Variants in PPP1R12A observed in about 807,000 individuals in gnomAD.
The protein encoded by PPP1R12A is protein phosphatase 1 regulatory subunit 12A, also known as myosin binding subunit.
Under a neutral mutation model 139.6 loss-of-function variants are expected in PPP1R12A, and 19 were observed. That is an observed-to-expected ratio of 0.14 (90% CI 0.09 to 0.20). PPP1R12A has a LOEUF of 0.20. PPP1R12A is among the 10% of genes least tolerant of loss of function. PPP1R12A has a pLI of 1.00. For synonymous variants in PPP1R12A, 427 were observed against 420.6 expected (o/e 1.02, Z -0.19); for missense variants, 925 against 1,211.5 (o/e 0.76, Z 3.51).
At chr12:79,809,729 G>T in intron 10 of PPP1R12A, 66 bp downstream of exon 10, 1 of 1,293,014 alleles carries the variant, frequency 7.7e-7, no homozygotes, top group Non-Finnish European at 1.1e-6. Context: ...AAATCTACCA[G>T]ATTTGATGTT....
intron 1 of PPP1R12A, among the ~76,000 whole-genome samples, chr12:79,902,133 T>A (rs1885702522): frequency 6.6e-6 from 1 of 152,184 alleles, no homozygotes; most frequent in Admixed American, 6.5e-5. Context: ...TTGGTTCAAC[T>A]TAAAGAGTGT....
intron 20 of PPP1R12A, among the ~76,000 whole-genome samples, chr12:79,789,954 A>AT (rs1302331162): frequency 0.014 from 1,972 of 144,002 alleles, 34 homozygotes; most frequent in African/African-American, 0.04. Context: ...TAATTAAGAA[A>AT]TTTTTTTTTT....
At chr12:79,805,503 A>G (rs971902337) in intron 14 of PPP1R12A, 89 bp downstream of exon 14, 36 of 1,285,846 alleles carry the variant, frequency 2.8e-5, no homozygotes, top group Non-Finnish European at 3.5e-5. Context: ...AGAGATGGCC[A>G]TCAACCTCAC....
At chr12:79,854,999 ATTATT>A (rs1173230871) in intron 2 of PPP1R12A, among the ~76,000 whole-genome samples, 1 of 151,782 alleles carries the variant, frequency 6.6e-6, no homozygotes, top group African/African-American at 2.4e-5. Flanking sequence ...TATTATTATT[ATTATT>A]TTGAGATGGA....
chr12:79,912,871 T>G (rs1427775536), intron 1 of PPP1R12A, among the ~76,000 whole-genome samples: 3 of 152,148 alleles, frequency 2.0e-5, no homozygotes, highest in Non-Finnish European at 2.9e-5. Flanking sequence ...ATCCATAGAG[T>G]ACGTTTCCAT....
At position 79,782,381 on chromosome 12, in the gene PPP1R12A, A is replaced by G. The variant is rs181648271; in HGVS notation, c.2908-519T>C. ...CTCTAGGTTTCTTTTCCAATCATCCATGCTCCACAATTGGTTCACATCCAC... is the reference window on the plus strand; with the variant it reads ...CTCTAGGTTTCTTTTCCAATCATCCGTGCTCCACAATTGGTTCACATCCAC... On this transcript the variant is annotated intron_variant, in intron 22 of 24. Coordinates refer to ENST00000450142, the MANE Select transcript of PPP1R12A (RefSeq NM_002480.3). The G allele has an allele frequency of 1.7e-3, 448 of 258,192 alleles. 1 individual carries two copies. The highest frequency in any genetic ancestry group is 3.0e-3 in the Non-Finnish European group (391 of 128,260). The allele number at this position is 258,192 out of a possible 1,614,324, so 16.0% of individuals were successfully genotyped here.
rs1203738684 is a variant in PPP1R12A at position 79,805,856 on chromosome 12, C to CT, written c.1824-89dup. 1.3e-5 allele frequency: 18 copies of CT among 1,341,192 alleles called. No individual in the cohort carries two copies. In the African/African-American group the frequency reaches 1.5e-4, roughly 11 times the overall value. The allele number at this position is 1,341,192 out of a possible 1,614,324, so 83.1% of individuals were successfully genotyped here. On this transcript the variant is annotated intron_variant, in intron 13 of 24. Transcript: ENST00000450142. ...CTTTCTAGCAGCTGAAAACACATGA[C>CT]TACAGGGATGGATTTTTTTAAAACG... is the stretch of plus-strand genomic sequence containing the variant.
chr12:79,866,602 C>T (rs1384039738), intron 2 of PPP1R12A, among the ~76,000 whole-genome samples: 1 of 152,060 alleles, frequency 6.6e-6, no homozygotes, highest in Non-Finnish European at 1.5e-5. Flanking sequence ...CCAGAATCTA[C>T]AAAGAACTTA....
intron 2 of PPP1R12A, among the ~76,000 whole-genome samples, chr12:79,853,145 G>A (rs1291406189): frequency 1.3e-5 from 2 of 152,178 alleles, no homozygotes; most frequent in African/African-American, 2.4e-5. Flanking sequence ...GCAGCTATGA[G>A]TGTGACCAAT....
At chr12:79,854,206 A>G (rs1880365350) in intron 2 of PPP1R12A, among the ~76,000 whole-genome samples, 1 of 152,124 alleles carries the variant, frequency 6.6e-6, no homozygotes, top group Admixed American at 6.6e-5. Flanking sequence ...AGAGAATGAT[A>G]CTGTGTGTGT....
intron 1 of PPP1R12A, among the ~76,000 whole-genome samples, chr12:79,882,866 C>T (rs1366907162): frequency 1.3e-5 from 2 of 152,056 alleles, no homozygotes; most frequent in African/African-American, 2.4e-5. Context: ...AGGCCAGGCG[C>T]GGTGGCTCAT....
chr12:79,903,687 T>C (rs1203880299), intron 1 of PPP1R12A, among the ~76,000 whole-genome samples: 1 of 152,210 alleles, frequency 6.6e-6, no homozygotes, highest in Non-Finnish European at 1.5e-5. Context: ...CTTGATACTG[T>C]GTCCATGTCT....
chr12:79,854,254 A>C (rs1565779561), intron 2 of PPP1R12A, among the ~76,000 whole-genome samples: 1 of 152,180 alleles, frequency 6.6e-6, no homozygotes, highest in Non-Finnish European at 1.5e-5. Context: ...GGATAAAAAC[A>C]AATACTGCAC....
At chr12:79,881,696 T>C (rs892905553) in intron 1 of PPP1R12A, among the ~76,000 whole-genome samples, 3 of 152,232 alleles carry the variant, frequency 2.0e-5, no homozygotes, top group Admixed American at 6.5e-5. Flanking sequence ...CGTTTCACTG[T>C]AGACACGGCA....
chr12:79,902,882 A>G lies in PPP1R12A; in HGVS notation c.238-29944T>C, dbSNP rs148318403. 5.1e-3 allele frequency among the ~76,000 whole-genome samples: 771 copies of G among 152,286 alleles called. 4 individuals carry two copies. Among genetic ancestry groups the G allele is most frequent in the African/African-American group, 0.018 (731 of 41,548 alleles). On this transcript the variant is annotated intron_variant, in intron 1 of 24. Transcript: ENST00000450142. Reference sequence around the variant, plus strand: ...AAGTTAAAATGTAGGTACACAACATATAATTTATACAGGATCCTCCTCTCT... The same window carrying G: ...AAGTTAAAATGTAGGTACACAACATGTAATTTATACAGGATCCTCCTCTCT...
chr12:79,822,132 T>A lies in PPP1R12A; in HGVS notation c.851A>T (p.Gln284Leu). 1 of 1,577,234 alleles carries A rather than the reference T, an allele frequency of 6.3e-7. No homozygotes were observed. The highest frequency in any genetic ancestry group is 8.6e-7 in the Non-Finnish European group (1 of 1,157,304). Residue 284 changes from glutamine (Q) to leucine (L), a missense_variant, in exon 6 of 25, where the codon CAA becomes CTA. Transcript: ENST00000450142. The stretch of plus-strand genomic sequence containing the variant: ...CAAACATACCAGATTTTGTTTCTTT[T>A]GCAACTCTTCTAAATATCCTAAAAT... The part of the protein sequence containing the change: ...EDILGYLEEL[Q>L]KKQNLLHSEK...
intron 22 of PPP1R12A, among the ~76,000 whole-genome samples, chr12:79,785,534 T>C (rs902615012): frequency 1.3e-5 from 2 of 152,110 alleles, no homozygotes; most frequent in Non-Finnish European, 1.5e-5. Flanking sequence ...GATCTGGATA[T>C]GCTGTTTTTA....
intron 23 of PPP1R12A, chr12:79,779,267 A>T: frequency 8.0e-7 from 1 of 1,245,394 alleles, no homozygotes. Context: ...CTGGGGTGTT[A>T]TGCAAAAAGC....
At chr12:79,859,652 C>A (rs1881092370) in intron 2 of PPP1R12A, among the ~76,000 whole-genome samples, 1 of 152,110 alleles carries the variant, frequency 6.6e-6, no homozygotes, top group Non-Finnish European at 1.5e-5. Flanking sequence ...TTCCTATAAT[C>A]CCAACACTTA....
Sources: gnomAD v4.1 joint callset for allele counts (sites outside exome capture counted in the v4.1 genomes callset) on GRCh38, gnomAD v4.1.1 for gene constraint, MANE v1.5 for transcripts, NCBI Gene and HGNC (gene_info 2026-07-23, HGNC 2026-07-21) for gene names.